Variants in SNTB1 observed in about 807,000 individuals in gnomAD.
SNTB1 encodes syntrophin beta 1, also known as beta-1-syntrophin.
SNTB1 carries 36 observed loss-of-function variants against 48.9 expected under a neutral mutation model. The observed-to-expected ratio is 0.74, with a 90% CI of 0.56 to 0.97. The LOEUF (loss-of-function observed/expected upper bound fraction) is 0.97. Among genes scored for constraint, SNTB1 ranks in the 50% least tolerant of loss-of-function variants. SNTB1 has a pLI of 0.00. For synonymous variants in SNTB1, 299 were observed against 294.6 expected (o/e 1.01, Z -0.15); for missense variants, 786 against 703.4 (o/e 1.12, Z -1.33).
chr8:120,654,481 T>C (rs1412555246), intron 2 of SNTB1, among the ~76,000 whole-genome samples: 4 of 152,122 alleles, frequency 2.6e-5, no homozygotes, highest in Non-Finnish European at 4.4e-5. Context: ...ATAGAAATAT[T>C]TAGGGCAATG....
intron 3 of SNTB1, among the ~76,000 whole-genome samples, chr8:120,581,933 G>T (rs1816056069): frequency 6.6e-6 from 1 of 152,060 alleles, no homozygotes; most frequent in African/African-American, 2.4e-5. Flanking sequence ...TATTTGGGAG[G>T]TTGAGGCAGG....
rs1820449829 is a variant in SNTB1, at chr8:120,812,007, G to C, written c.-164C>G. ...CCGGGAGTTCGCAGACGCACTCGGC[G>C]GGAGTTGGCAGCTGCACTCAGGCTG... On this transcript the variant is annotated 5_prime_UTR_variant, in exon 1 of 7. Transcript: ENST00000517992. 7.9e-7 allele frequency: 1 copy of C among 1,267,662 alleles called. No homozygotes were observed. Among genetic ancestry groups the C allele is most frequent in the Non-Finnish European group, 9.9e-7 (1 of 1,012,446 alleles). 78.5% of individuals were successfully genotyped at this position (1,267,662 alleles called of 1,614,324 possible). A position where few individuals can be genotyped will look rare whatever the true frequency, so the allele number is the denominator to read the frequency against.
chr8:120,774,751 T>A (rs1469728854), intron 1 of SNTB1, among the ~76,000 whole-genome samples: 2 of 152,156 alleles, frequency 1.3e-5, no homozygotes, highest in Non-Finnish European at 2.9e-5. Context: ...GCCTCTGGGT[T>A]CAAACCATTC....
At chr8:120,605,760 C>T (rs995881004) in intron 3 of SNTB1, among the ~76,000 whole-genome samples, 16 of 152,176 alleles carry the variant, frequency 1.1e-4, no homozygotes, top group African/African-American at 2.7e-4. Flanking sequence ...CTCTGACTCC[C>T]GTGAGCTATG....
intron 4 of SNTB1, among the ~76,000 whole-genome samples, chr8:120,562,401 T>G (rs1221901404): frequency 6.6e-6 from 1 of 152,170 alleles, no homozygotes; most frequent in Non-Finnish European, 1.5e-5. Context: ...CTCCTCACTC[T>G]TCTTATATCC....
chr8:120,589,763 T>C (rs111930399), intron 3 of SNTB1, among the ~76,000 whole-genome samples: 8 of 152,128 alleles, frequency 5.3e-5, no homozygotes, highest in Admixed American at 1.3e-4. Context: ...CCTCATAACC[T>C]AATGACCCGC....
chr8:120,800,928 T>C (rs190277621), intron 1 of SNTB1, among the ~76,000 whole-genome samples: 117 of 152,200 alleles, frequency 7.7e-4, no homozygotes, highest in Non-Finnish European at 1.4e-3. Flanking sequence ...AATATTAAAA[T>C]ATATTCTAGT....
chr8:120,580,414 C>T (rs752447195), intron 3 of SNTB1, among the ~76,000 whole-genome samples: 3 of 152,160 alleles, frequency 2.0e-5, no homozygotes, highest in Non-Finnish European at 2.9e-5. Context: ...CTCCCATGCA[C>T]GTGTCTTTGA....
intron 2 of SNTB1, among the ~76,000 whole-genome samples, chr8:120,671,397 T>C (rs906688559): frequency 5.9e-5 from 9 of 152,178 alleles, no homozygotes; most frequent in African/African-American, 2.2e-4. Context: ...TGTGTTCTTA[T>C]AAGAAGAGGA....
At chr8:120,763,743 A>T (rs1022588827) in intron 1 of SNTB1, among the ~76,000 whole-genome samples, 11 of 151,972 alleles carry the variant, frequency 7.2e-5, no homozygotes, top group East Asian at 1.9e-4. Context: ...ATAAATAGAA[A>T]TTTTTTTTAG....
intron 2 of SNTB1, among the ~76,000 whole-genome samples, chr8:120,667,755 T>TC (rs1056568357): frequency 9.2e-5 from 14 of 152,310 alleles, no homozygotes; most frequent in African/African-American, 3.4e-4. Flanking sequence ...TGTTTTTTTT[T>TC]CTGGGACACA....
chr8:120,576,570 T>C (rs923819722), intron 3 of SNTB1, among the ~76,000 whole-genome samples: 1 of 152,232 alleles, frequency 6.6e-6, no homozygotes, highest in African/African-American at 2.4e-5. Context: ...TTATTGCCTG[T>C]GTGACTCTGG....
At position 120,811,432 on chromosome 8, in the gene SNTB1, G is replaced by A. The variant is rs1300505506; in HGVS notation, c.412C>T (p.Leu138Phe). Residue 138 changes from leucine to phenylalanine, a missense_variant, in exon 1 of 7, where the codon CTC becomes TTC. Transcript: ENST00000517992. ...AGCCCCTTGAAGATCTTGCTGATGA[G>A]GATGGGCATCTTGTTCTCCTTGCCC... ...KGGKENKMPI[L>F]ISKIFKGLAA... 1.9e-6 allele frequency: 3 copies of A among 1,614,022 alleles called. No individual in the cohort carries two copies. The highest frequency in any genetic ancestry group is 2.5e-6 in the Non-Finnish European group (3 of 1,179,914).
At chr8:120,620,518 C>T (rs1032874048) in intron 3 of SNTB1, among the ~76,000 whole-genome samples, 3 of 152,196 alleles carry the variant, frequency 2.0e-5, no homozygotes, top group East Asian at 1.9e-4. Context: ...CATATTCATT[C>T]GATAAGTTCT....
chr8:120,547,717 A>G (rs1815407548), intron 5 of SNTB1, among the ~76,000 whole-genome samples: 1 of 151,776 alleles, frequency 6.6e-6, no homozygotes, highest in Non-Finnish European at 1.5e-5. Context: ...CCTTCTACAC[A>G]CATCTCCCAT....
intron 3 of SNTB1, among the ~76,000 whole-genome samples, chr8:120,602,053 A>T (rs999235672): frequency 1.3e-5 from 2 of 152,292 alleles, no homozygotes; most frequent in Non-Finnish European, 2.9e-5. Flanking sequence ...TTCATTTAGT[A>T]TGCTTTCACC....
chr8:120,566,878 T>G (rs1436632558), intron 4 of SNTB1, among the ~76,000 whole-genome samples: 2 of 152,196 alleles, frequency 1.3e-5, no homozygotes, highest in Non-Finnish European at 2.9e-5. Context: ...TTCCCTTGAT[T>G]GTTAGCTGGA....
intron 1 of SNTB1, among the ~76,000 whole-genome samples, chr8:120,736,449 C>T (rs1482709278): frequency 6.6e-6 from 1 of 152,094 alleles, no homozygotes; most frequent in Non-Finnish European, 1.5e-5. Context: ...GGCAAGGAGG[C>T]CAAAAAGAAT....
chr8:120,609,395 G>A (rs1424213334), intron 3 of SNTB1, among the ~76,000 whole-genome samples: 2 of 152,118 alleles, frequency 1.3e-5, no homozygotes, highest in African/African-American at 4.8e-5. Flanking sequence ...AACATATGCT[G>A]GGGATCAAAT....
Sources: gnomAD v4.1 joint callset for allele counts (sites outside exome capture counted in the v4.1 genomes callset) on GRCh38, gnomAD v4.1.1 for gene constraint, MANE v1.5 for transcripts, NCBI Gene and HGNC (gene_info 2026-07-23, HGNC 2026-07-21) for gene names.